FMN1: variants seen among roughly 807,000 people sequenced by gnomAD.
FMN1 encodes formin 1.
A neutral mutation model predicts 132.4 loss-of-function variants in FMN1; 110 were observed. That is an observed-to-expected ratio of 0.83 (90% confidence interval 0.71 to 0.97). FMN1 has a LOEUF of 0.97. Ranked by LOEUF, FMN1 falls within the 50% of genes least tolerant of loss-of-function variation. FMN1 has a pLI of 0.00. For missense variants in FMN1, 1,792 were observed against 1,705.3 expected, an observed-to-expected ratio of 1.05 and a Z score of -0.90; for synonymous variants, 722 against 651.7, an observed-to-expected ratio of 1.11 and a Z score of -1.64.
intron 12 of FMN1, among the ~76,000 whole-genome samples, chr15:32,907,365 T>G (rs2060452451): frequency 6.6e-6 from 1 of 152,108 alleles, no homozygotes; most frequent in Non-Finnish European, 1.5e-5. Context: ...GCGTGCAACC[T>G]GGATCGCTCA....
At chr15:33,033,722 G>A (rs1221372067) in intron 6 of FMN1, among the ~76,000 whole-genome samples, 1 of 148,210 alleles carries the variant, frequency 6.7e-6, no homozygotes, top group Non-Finnish European at 1.5e-5. Context: ...CCTACATACT[G>A]TCTCCAATTA....
At chr15:32,897,188 T>C (rs1280159392) in intron 15 of FMN1, among the ~76,000 whole-genome samples, 1 of 152,230 alleles carries the variant, frequency 6.6e-6, no homozygotes, top group Non-Finnish European at 1.5e-5. Context: ...TGATTAGTGA[T>C]GTTGGCACCT....
intron 4 of FMN1, among the ~76,000 whole-genome samples, chr15:33,146,739 G>A: frequency 6.6e-6 from 1 of 152,096 alleles, no homozygotes; most frequent in Non-Finnish European, 1.5e-5. Context: ...TCTAACAGAA[G>A]TCACTATCCC....
chr15:33,082,915 T>C (rs187243422), intron 5 of FMN1, among the ~76,000 whole-genome samples: 1 of 152,190 alleles, frequency 6.6e-6, no homozygotes, highest in Non-Finnish European at 1.5e-5. Context: ...TATAGGCATG[T>C]CCCATACAAT....
chr15:32,901,068 C>A (rs909069909), intron 13 of FMN1, among the ~76,000 whole-genome samples: 1 of 151,948 alleles, frequency 6.6e-6, no homozygotes. Context: ...GCAGGAGAAT[C>A]GCTTGAGCCC....
chr15:33,118,307 G>C (rs765679935), intron 4 of FMN1, among the ~76,000 whole-genome samples: 1 of 152,072 alleles, frequency 6.6e-6, no homozygotes, highest in Non-Finnish European at 1.5e-5. Context: ...TTAACATCCA[G>C]TCCATTTGGT....
At chr15:33,173,303 A>G (rs1779277344) in intron 3 of FMN1, among the ~76,000 whole-genome samples, 1 of 152,220 alleles carries the variant, frequency 6.6e-6, no homozygotes, top group African/African-American at 2.4e-5. Flanking sequence ...AAAGATAAAG[A>G]CAATGAAGAA....
At chr15:32,786,796 G>A (rs1294936638) in intron 19 of FMN1, among the ~76,000 whole-genome samples, 1 of 152,234 alleles carries the variant, frequency 6.6e-6, no homozygotes, top group Non-Finnish European at 1.5e-5. Context: ...GGATATGGCT[G>A]TGTCCAGCCA....
intron 7 of FMN1, among the ~76,000 whole-genome samples, chr15:32,992,034 C>T (rs116093817): frequency 0.021 from 3,177 of 152,258 alleles, 111 homozygotes; most frequent in African/African-American, 0.073. Flanking sequence ...TTTGATCCTG[C>T]GTACTCACAT....
intron 7 of FMN1, among the ~76,000 whole-genome samples, chr15:32,974,259 C>T (rs1331037858): frequency 6.6e-6 from 1 of 152,102 alleles, no homozygotes; most frequent in Non-Finnish European, 1.5e-5. Context: ...CTGATTTGAC[C>T]CCAATACATC....
intron 16 of FMN1, among the ~76,000 whole-genome samples, chr15:32,866,147 C>T (rs1476378435): frequency 6.7e-6 from 1 of 149,886 alleles, no homozygotes. Flanking sequence ...TTAATGGGTA[C>T]AGCACACCAA....
rs183447747 is a variant in FMN1, at chr15:32,873,556, C to T, written c.3835+14616G>A. On this transcript the variant is annotated intron_variant, in intron 16 of 20. Coordinates refer to ENST00000616417, the MANE Select transcript of FMN1 (RefSeq NM_001277313.2). ...CTGTCAGGCTAGAGATGATGAGCTG[C>T]TGGAGCCTTTAACAGGAGGCTATTA... Among the ~76,000 whole-genome samples, 50 of 152,232 alleles carry T rather than the reference C, an allele frequency of 3.3e-4. 1 individual carries two copies. In the East Asian group the frequency reaches 9.5e-3, roughly 29 times the overall value.
At chr15:33,061,052 T>C (rs17816717) in intron 6 of FMN1, among the ~76,000 whole-genome samples, 23,297 of 152,220 alleles carry the variant, frequency 0.15, 1,869 homozygotes, top group Middle Eastern at 0.23. Flanking sequence ...CCCTCTGAAC[T>C]TCCAAGTGCC....
chr15:33,120,198 A>C (rs571614455), intron 4 of FMN1, among the ~76,000 whole-genome samples: 28 of 152,224 alleles, frequency 1.8e-4, no homozygotes, highest in Admixed American at 2.6e-4. Context: ...TCTCAGAAAT[A>C]ATCTGTTCTT....
At chr15:33,026,278 A>T (rs147985312) in intron 6 of FMN1, among the ~76,000 whole-genome samples, 1 of 152,286 alleles carries the variant, frequency 6.6e-6, no homozygotes, top group Non-Finnish European at 1.5e-5. Flanking sequence ...CTGGTTTTAA[A>T]AATCTAAAGA....
chr15:32,851,064 C>T (rs2058997469), intron 17 of FMN1, among the ~76,000 whole-genome samples: 1 of 151,360 alleles, frequency 6.6e-6, no homozygotes, highest in Non-Finnish European at 1.5e-5. Context: ...TCTCAAAAAA[C>T]AAGACAAAAC....
chr15:33,064,265 G>A (rs796150921), intron 6 of FMN1: 44 of 152,336 alleles, frequency 2.9e-4, no homozygotes, highest in African/African-American at 1.0e-3. Flanking sequence ...AGAAGGCAGA[G>A]AGGTTTCATG....
intron 6 of FMN1, among the ~76,000 whole-genome samples, chr15:33,014,813 G>A (rs2034943472): frequency 6.6e-6 from 1 of 152,184 alleles, no homozygotes; most frequent in Non-Finnish European, 1.5e-5. Flanking sequence ...TCCAATTTGT[G>A]AAGAGCAGAA....
intron 15 of FMN1, among the ~76,000 whole-genome samples, chr15:32,893,879 T>C (rs1344575371): frequency 1.3e-5 from 2 of 152,252 alleles, no homozygotes; most frequent in African/African-American, 4.8e-5. Flanking sequence ...TGCATTTGAC[T>C]TGGTTGGGGT....
Sources: allele counts gnomAD v4.1 joint callset (sites outside exome capture counted in the v4.1 genomes callset), GRCh38; gene constraint gnomAD v4.1.1; transcripts MANE v1.5; gene names NCBI Gene and HGNC (gene_info 2026-07-23, HGNC 2026-07-21).